Variants in FILIP1L observed in about 807,000 individuals in gnomAD.
FILIP1L encodes the protein filamin A-interacting protein 1-like.
In FILIP1L, 55 loss-of-function variants were observed where a neutral mutation model predicts 96.6. The ratio of observed to expected loss-of-function variants is 0.57; its 90% confidence interval spans 0.46 to 0.71. The LOEUF is 0.71. Among genes scored for constraint, FILIP1L ranks in the 30% least tolerant of loss-of-function variants. The pLI, the probability that FILIP1L is intolerant of heterozygous loss-of-function variation, is 0.00. For synonymous variants in FILIP1L, 467 were observed against 473.9 expected (o/e 0.99, Z 0.19); for missense variants, 1,304 against 1,321.2 (o/e 0.99, Z 0.20).
chr3:100,033,753 C>T lies in FILIP1L; in HGVS notation c.-11+80300G>A, dbSNP rs916785721. Among the ~76,000 whole-genome samples, 4 of 152,190 alleles carry T rather than the reference C, an allele frequency of 2.6e-5. 1 individual carries two copies. The East Asian group carries it at 7.7e-4, about 29-fold the overall frequency. On this transcript the variant is annotated intron_variant, in intron 1 of 5. Coordinates refer to ENST00000477258, the MANE Select transcript of FILIP1L (RefSeq NM_001387850.1). ...GATATATTGAAAATATGTGGTGACT[C>T]AGCCCTGTTCTTGCTCCTCTAAATT...
chr3:99,833,323 G>A (rs531654002), intron 5 of FILIP1L: 2 of 1,425,696 alleles, frequency 1.4e-6, no homozygotes, highest in East Asian at 2.3e-5. Context: ...TAAAAGTGTT[G>A]GTTTGTTTTA....
In FILIP1L at chr3:99,828,955, C is replaced by A. The variant is rs925642220; in HGVS notation, c.*1459G>T. 6.6e-6 allele frequency among the ~76,000 whole-genome samples: 1 copy of A among 152,082 alleles called. No homozygotes were observed. Among genetic ancestry groups the A allele is most frequent in the African/African-American group, 2.4e-5 (1 of 41,398 alleles). On this transcript the variant is annotated 3_prime_UTR_variant, in exon 6 of 6. Transcript: ENST00000477258. ...ATGCTGCCCATCATCCCTCTCAATG[C>A]TGCCCATCATCCCTTTCAATGCTGC...
intron 1 of FILIP1L, among the ~76,000 whole-genome samples, chr3:99,993,200 G>T (rs1341761575): frequency 6.6e-6 from 1 of 151,930 alleles, no homozygotes; most frequent in Non-Finnish European, 1.5e-5. Flanking sequence ...GGTGAAAAAT[G>T]ACATTGGTGA....
chr3:100,083,492 C>G (rs150645813), intron 1 of FILIP1L, among the ~76,000 whole-genome samples: 5 of 152,162 alleles, frequency 3.3e-5, no homozygotes, highest in African/African-American at 1.2e-4. Flanking sequence ...TAATGCACAG[C>G]GAGATTTCAG....
At chr3:99,875,331 C>T (rs1020004445) in intron 4 of FILIP1L, among the ~76,000 whole-genome samples, 7 of 152,108 alleles carry the variant, frequency 4.6e-5, no homozygotes, top group Non-Finnish European at 2.9e-5. Flanking sequence ...AATACAGTTA[C>T]TCTATAAGTT....
intron 1 of FILIP1L, chr3:99,964,401 A>G (rs1377535060): frequency 6.6e-6 from 1 of 150,638 alleles, no homozygotes; most frequent in Non-Finnish European, 1.5e-5. Context: ...GGGCTAGGTG[A>G]TGTTTAGGAT....
intron 1 of FILIP1L, among the ~76,000 whole-genome samples, chr3:100,099,086 C>T (rs752667024): frequency 6.6e-6 from 1 of 152,124 alleles, no homozygotes; most frequent in East Asian, 1.9e-4. Context: ...CATTTGTAAC[C>T]CAGAGAAGTT....
At chr3:99,985,567 G>C (rs189381409) in intron 1 of FILIP1L, among the ~76,000 whole-genome samples, 36 of 151,928 alleles carry the variant, frequency 2.4e-4, no homozygotes, top group African/African-American at 8.4e-4. Context: ...TCAATCTTGT[G>C]AATTTCTTTT....
At chr3:99,854,898 C>T (rs1943882879) in intron 4 of FILIP1L, among the ~76,000 whole-genome samples, 1 of 152,178 alleles carries the variant, frequency 6.6e-6, no homozygotes, top group Admixed American at 6.5e-5. Context: ...ACCAATGCTT[C>T]TCACAGTGTA....
intron 1 of FILIP1L, among the ~76,000 whole-genome samples, chr3:100,053,823 G>A (rs2065415945): frequency 1.3e-5 from 2 of 152,158 alleles, no homozygotes; most frequent in South Asian, 4.1e-4. Flanking sequence ...CACAACACAT[G>A]CTGAGTCTGT....
intron 1 of FILIP1L, among the ~76,000 whole-genome samples, chr3:100,077,360 G>A (rs535667994): frequency 6.6e-6 from 1 of 152,336 alleles, no homozygotes; most frequent in African/African-American, 2.4e-5. Flanking sequence ...AAGCAAGTAT[G>A]TTTGTACTTC....
At chr3:99,940,321 CAT>C (rs1707815512) in intron 1 of FILIP1L, among the ~76,000 whole-genome samples, 1 of 152,204 alleles carries the variant, frequency 6.6e-6, no homozygotes. Context: ...TCTTGAAAAT[CAT>C]ATGATTCTTT....
At chr3:100,051,754 A>G (rs1165560613) in intron 1 of FILIP1L, among the ~76,000 whole-genome samples, 1 of 151,590 alleles carries the variant, frequency 6.6e-6, no homozygotes, top group Non-Finnish European at 1.5e-5. Flanking sequence ...CTAGTCGATC[A>G]TTGTTGGACA....
At chr3:99,843,332 C>T (rs553388651) in intron 5 of FILIP1L, among the ~76,000 whole-genome samples, 15 of 152,246 alleles carry the variant, frequency 9.9e-5, no homozygotes, top group African/African-American at 2.9e-4. Context: ...GTTATAAAAC[C>T]GGGAATCTTC....
chr3:100,001,985 A>C (rs1013651968), intron 1 of FILIP1L, among the ~76,000 whole-genome samples: 1 of 152,074 alleles, frequency 6.6e-6, no homozygotes, highest in Non-Finnish European at 1.5e-5. Flanking sequence ...ATCCCCCCCA[A>C]TTCTGAAGCT....
At chr3:100,109,299 G>C (rs1003587903) in intron 1 of FILIP1L, among the ~76,000 whole-genome samples, 1 of 151,908 alleles carries the variant, frequency 6.6e-6, no homozygotes, top group South Asian at 2.1e-4. Context: ...GTTTGAAGTG[G>C]GATTCTCTCA....
At chr3:100,068,954 G>A (rs1027569157) in intron 1 of FILIP1L, among the ~76,000 whole-genome samples, 4 of 152,294 alleles carry the variant, frequency 2.6e-5, no homozygotes, top group Admixed American at 6.5e-5. Context: ...AGGTGGCACT[G>A]TGAAATAGAG....
At chr3:99,900,126 T>C (rs1186965143) in intron 4 of FILIP1L, among the ~76,000 whole-genome samples, 1 of 152,150 alleles carries the variant, frequency 6.6e-6, no homozygotes, top group Admixed American at 6.5e-5. Context: ...TCAGTAAATA[T>C]GTATTGGATG....
At chr3:99,877,856 T>C (rs552851690) in intron 4 of FILIP1L, among the ~76,000 whole-genome samples, 1 of 152,316 alleles carries the variant, frequency 6.6e-6, no homozygotes, top group East Asian at 1.9e-4. Context: ...AGCATACTTT[T>C]ACCCCAAAGC....
Sources: allele counts gnomAD v4.1 joint callset (sites outside exome capture counted in the v4.1 genomes callset), GRCh38; gene constraint gnomAD v4.1.1; transcripts MANE v1.5; gene names NCBI Gene and HGNC (gene_info 2026-07-23, HGNC 2026-07-21).